The following DOCK1 variants were observed in gnomAD, a reference collection of about 807,000 sequenced individuals.
DOCK1 encodes the protein dedicator of cytokinesis 1, also known as dedicator of cytokinesis protein 1.
DOCK1 carries 138 observed loss-of-function variants against 262.7 expected under a neutral mutation model. The ratio of observed to expected loss-of-function variants is 0.53; its 90% CI spans 0.46 to 0.61. The LOEUF (loss-of-function observed/expected upper bound fraction) is 0.61, where lower values mean the gene tolerates loss of function less well. DOCK1 is among the 20% of genes least tolerant of loss of function. DOCK1 has a pLI of 0.00. For missense variants in DOCK1, 1,908 were observed against 2,370.7 expected (o/e 0.80, Z 4.05); for synonymous variants, 866 against 867.4 (o/e 1.00, Z 0.03).
At chr10:126,983,745 C>G (rs1042772536) in intron 4 of DOCK1, among the ~76,000 whole-genome samples, 3 of 152,164 alleles carry the variant, frequency 2.0e-5, no homozygotes, top group East Asian at 1.9e-4. Flanking sequence ...TGCTTTGTCT[C>G]TCTTCTCTCT....
chr10:127,176,336 G>A lies in DOCK1; in HGVS notation c.2847+48572G>A, dbSNP rs567593902. 258 of 1,613,742 alleles carry A rather than the reference G, an allele frequency of 1.6e-4. 1 individual carries two copies. The highest frequency in any genetic ancestry group is 2.1e-4 in the Non-Finnish European group (250 of 1,179,986). On this transcript the variant is annotated intron_variant, in intron 27 of 51. Coordinates refer to ENST00000623213, the MANE Select transcript of DOCK1 (RefSeq NM_001290223.2). This position sits in a 1 kb window ranked among gnomAD's most constrained non-coding sequence, Gnocchi z 4.4. ...TCATCTCCAGGGCCAGGCAGGCGGCGGGTTCCACTTCACTCTCCGACGTTG... is the reference window on the plus strand; with the variant it reads ...TCATCTCCAGGGCCAGGCAGGCGGCAGGTTCCACTTCACTCTCCGACGTTG...
chr10:127,232,538 C>G lies in DOCK1; in HGVS notation c.2848-15470C>G, dbSNP rs1320721289. Among the ~76,000 whole-genome samples, 17 of 152,148 alleles carry G rather than the reference C, an allele frequency of 1.1e-4. No homozygotes were observed. The East Asian group carries it at 3.1e-3, about 28-fold the overall frequency. ...TTTTATTTGTGATAATGATTTTATA[C>G]TAAATAATGGTGATATTCCTACCAT... On this transcript the variant is annotated intron_variant, in intron 27 of 51. Transcript: ENST00000623213.
At chr10:127,363,563 G>A (rs2064717307) in intron 33 of DOCK1, among the ~76,000 whole-genome samples, 1 of 152,096 alleles carries the variant, frequency 6.6e-6, no homozygotes, top group Admixed American at 6.6e-5. Flanking sequence ...GGAATTTGGA[G>A]AAAAATTCCT....
At chr10:127,186,519 C>CT (rs1237473205) in intron 27 of DOCK1, among the ~76,000 whole-genome samples, 1 of 77,822 alleles carries the variant, frequency 1.3e-5, no homozygotes, top group Non-Finnish European at 3.5e-5. Flanking sequence ...CCCCCCGCCC[C>CT]CCCCCGATCC....
At chr10:127,340,663 T>A (rs941422898) in intron 30 of DOCK1, among the ~76,000 whole-genome samples, 12 of 152,222 alleles carry the variant, frequency 7.9e-5, no homozygotes, top group Non-Finnish European at 1.6e-4. Flanking sequence ...TCAATTTCCT[T>A]CCTAACATGA....
At chr10:127,183,375 A>G (rs2055922711) in intron 27 of DOCK1, among the ~76,000 whole-genome samples, 4 of 152,098 alleles carry the variant, frequency 2.6e-5, no homozygotes, top group African/African-American at 7.2e-5. Context: ...TCCCTCTTGT[A>G]TTTTCATCGT....
intron 18 of DOCK1, among the ~76,000 whole-genome samples, chr10:127,032,710 C>T (rs1395003107): frequency 6.6e-6 from 1 of 152,028 alleles, no homozygotes; most frequent in Non-Finnish European, 1.5e-5. Context: ...TGCAGCATCA[C>T]GCTTGGCTAA....
intron 1 of DOCK1, among the ~76,000 whole-genome samples, chr10:126,929,714 A>G (rs968445282): frequency 0.016 from 2,454 of 152,178 alleles, 56 homozygotes; most frequent in African/African-American, 0.048. Context: ...TGGAGGGACC[A>G]TTGCGGGGAG....
intron 33 of DOCK1, among the ~76,000 whole-genome samples, chr10:127,364,050 T>C (rs757200699): frequency 5.3e-5 from 8 of 152,218 alleles, no homozygotes; most frequent in Non-Finnish European, 1.0e-4. Context: ...GATGCTTCTC[T>C]TCTCTCAAGG....
intron 1 of DOCK1, among the ~76,000 whole-genome samples, chr10:126,964,763 C>T (rs1245357857): frequency 1.3e-5 from 2 of 152,172 alleles, no homozygotes; most frequent in Non-Finnish European, 2.9e-5. Flanking sequence ...TGGACCTGAG[C>T]ACTGATGGCA....
At chr10:127,144,176 C>T (rs1463191298) in intron 27 of DOCK1, among the ~76,000 whole-genome samples, 2 of 152,180 alleles carry the variant, frequency 1.3e-5, no homozygotes, top group East Asian at 1.9e-4. Context: ...CTCTCCCTCT[C>T]CAGTTACCAG....
intron 23 of DOCK1, among the ~76,000 whole-genome samples, chr10:127,082,541 T>C (rs573263490): frequency 6.6e-6 from 1 of 152,228 alleles, no homozygotes; most frequent in East Asian, 1.9e-4. Flanking sequence ...ACTATCATAC[T>C]GTCATGAGAA....
intron 33 of DOCK1, among the ~76,000 whole-genome samples, chr10:127,370,138 G>A (rs913717837): frequency 2.0e-5 from 3 of 152,188 alleles, no homozygotes; most frequent in Non-Finnish European, 2.9e-5. Context: ...GGGAGAGAAG[G>A]CAGAGAGAGT....
In DOCK1 at chr10:127,433,268, C is replaced by A. The variant is rs747272701; in HGVS notation, c.4915-15C>A. On this transcript the variant is annotated splice_polypyrimidine_tract_variant and intron_variant, in intron 47 of 51. Coordinates refer to ENST00000623213, the MANE Select transcript of DOCK1 (RefSeq NM_001290223.2). ...GCATCAAACAAGTCTCCTTCTCTCT[C>A]TTTCTCGCTCTCAGCCCTCAAGTCT... 6.8e-6 allele frequency: 11 copies of A among 1,613,124 alleles called. No individual in the cohort carries two copies. The Admixed American group carries it at 1.8e-4, about 27-fold the overall frequency.
chr10:127,433,025 T>C (rs995260558), intron 47 of DOCK1, among the ~76,000 whole-genome samples: 2 of 152,238 alleles, frequency 1.3e-5, no homozygotes, highest in African/African-American at 4.8e-5. Context: ...TCGCGGTCTT[T>C]GAAGAAAACT....
intron 29 of DOCK1, among the ~76,000 whole-genome samples, chr10:127,302,741 GGT>G (rs1196456742): frequency 8.6e-4 from 93 of 108,160 alleles, no homozygotes; most frequent in East Asian, 8.5e-3. Context: ...GAAAAGAGGG[GGT>G]GTGTGTGTGT....
At chr10:127,250,820 A>AAG (rs2059607303) in intron 28 of DOCK1, among the ~76,000 whole-genome samples, 1 of 133,100 alleles carries the variant, frequency 7.5e-6, no homozygotes, top group Non-Finnish European at 1.6e-5. Context: ...AAAAAAAAAA[A>AAG]AATGACGTTT....
At chr10:126,921,479 T>G (rs2033190733) in intron 1 of DOCK1, among the ~76,000 whole-genome samples, 1 of 152,178 alleles carries the variant, frequency 6.6e-6, no homozygotes, top group East Asian at 1.9e-4. Context: ...AATGTGATTC[T>G]GTTTATATGA....
intron 23 of DOCK1, among the ~76,000 whole-genome samples, chr10:127,091,144 G>C (rs1445193712): frequency 6.6e-6 from 1 of 151,968 alleles, no homozygotes; most frequent in Admixed American, 6.6e-5. Context: ...ACCGCACCTG[G>C]CTAATTTTTT....
Sources: gnomAD v4.1 joint callset for allele counts (sites outside exome capture counted in the v4.1 genomes callset) on GRCh38, gnomAD v4.1.1 for gene constraint, Gnocchi (gnomAD v3.1) non-coding constraint, MANE v1.5 for transcripts, NCBI Gene and HGNC (gene_info 2026-07-23, HGNC 2026-07-21) for gene names.